PPEF1: variants seen among roughly 807,000 people sequenced by gnomAD.
PPEF1 encodes protein phosphatase with EF-hand domain 1, also known as serine/threonine-protein phosphatase with EF-hands 1.
PPEF1 carries 12 observed loss-of-function variants against 53.3 expected under a neutral mutation model. The observed-to-expected ratio is 0.23, with a 90% CI of 0.14 to 0.36. The LOEUF is 0.36. Ranked by LOEUF, PPEF1 falls within the 10% of genes least tolerant of loss-of-function variation. PPEF1 has a pLI of 1.00. For synonymous variants in PPEF1, 165 were observed against 176.7 expected (o/e 0.93, Z 0.52); for missense variants, 334 against 490.4 (o/e 0.68, Z 3.01).
chrX:18,761,405 C>T (rs1031885581), intron 5 of PPEF1, 125 bp from the exon 6 acceptor site: 1 of 576,211 alleles, frequency 1.7e-6, no homozygotes. Context: ...GTCAAATTAA[C>T]ATCGTCATAG....
At chrX:18,821,489 C>G (rs2147756231) in intron 13 of PPEF1, among the ~76,000 whole-genome samples, 2 of 110,848 alleles carry the variant, frequency 1.8e-5, no homozygotes, top group South Asian at 3.8e-4. Flanking sequence ...CTCATTGCAA[C>G]CTCCGCCTAC....
chrX:18,798,001 A>G (rs2046466868), intron 10 of PPEF1, among the ~76,000 whole-genome samples: 2 of 111,000 alleles, frequency 1.8e-5, no homozygotes, highest in South Asian at 7.6e-4. Flanking sequence ...GTCTTAAGTG[A>G]TAAGTTCTAT....
At chrX:18,679,287 A>G (rs1928790511), upstream of PPEF1, among the ~76,000 whole-genome samples, 1 of 111,289 alleles carries the variant, frequency 9.0e-6, no homozygotes, top group Non-Finnish European at 1.9e-5. Context: ...TGTTTTGGCC[A>G]GGCTGTTCTT....
chrX:18,711,943 C>T lies in PPEF1; in HGVS notation c.46+4117C>T, dbSNP rs142724104. 5.0e-3 allele frequency among the ~76,000 whole-genome samples: 559 copies of T among 110,698 alleles called. 7 individuals carry two copies. The highest frequency in any genetic ancestry group is 0.015 in the African/African-American group (445 of 30,450). On this transcript the variant is annotated intron_variant, in intron 1 of 15. Transcript: ENST00000470157. ...CTAATTTTTGTATTTTTGGTAGAGACGGGGTTTCACCATGTTGGCCAGGCT... is the reference window on the plus strand; with the variant it reads ...CTAATTTTTGTATTTTTGGTAGAGATGGGGTTTCACCATGTTGGCCAGGCT...
intron 3 of PPEF1, among the ~76,000 whole-genome samples, chrX:18,746,359 A>G (rs1291230606): frequency 8.9e-6 from 1 of 112,153 alleles, no homozygotes; most frequent in African/African-American, 3.2e-5. Flanking sequence ...GCTAAAAACC[A>G]GCAGAAGGAT....
At chrX:18,695,697 C>T (rs1252373711) in intron 4 of PPEF1, among the ~76,000 whole-genome samples, 2 of 112,520 alleles carry the variant, frequency 1.8e-5, no homozygotes, top group Non-Finnish European at 3.8e-5. Flanking sequence ...CTCAAGCCAT[C>T]GAGGACCAAG....
At chrX:18,750,132 T>C (rs191595551) in intron 4 of PPEF1, among the ~76,000 whole-genome samples, 180 bp downstream of exon 4, 2 of 112,053 alleles carry the variant, frequency 1.8e-5, no homozygotes, top group Admixed American at 9.5e-5. Flanking sequence ...AGCAAGCTCC[T>C]CTCTGTAGGC....
At chrX:18,770,051 A>G (rs1454033111) in intron 6 of PPEF1, among the ~76,000 whole-genome samples, 2 of 111,752 alleles carry the variant, frequency 1.8e-5, no homozygotes, top group African/African-American at 3.2e-5. Context: ...GACTTTCTGT[A>G]TCTGTCAACT....
chrX:18,719,340 C>CTT (rs1181211988), intron 1 of PPEF1, among the ~76,000 whole-genome samples: 15 of 92,198 alleles, frequency 1.6e-4, no homozygotes, highest in Non-Finnish European at 1.5e-4. Context: ...TACAACTCAT[C>CTT]TTTTTTTTTT....
At chrX:18,737,024 T>A (rs2044999588) in intron 3 of PPEF1, among the ~76,000 whole-genome samples, 1 of 111,963 alleles carries the variant, frequency 8.9e-6, no homozygotes, top group Non-Finnish European at 1.9e-5. Context: ...CTCTCTTTTC[T>A]TCTTTATTAG....
At chrX:18,767,540 A>T (rs1463239751) in intron 6 of PPEF1, among the ~76,000 whole-genome samples, 2 of 112,256 alleles carry the variant, frequency 1.8e-5, no homozygotes, top group African/African-American at 6.5e-5. Context: ...GCGAGACTCC[A>T]TCTGAAAAAA....
chrX:18,811,611 ATATATTT>A (rs1205368221), intron 12 of PPEF1, among the ~76,000 whole-genome samples: 148 of 14,765 alleles, frequency 0.01, 1 homozygote, highest in African/African-American at 0.026. Flanking sequence ...ATATATATAT[ATATATTT>A]TTTTTTTTTT....
Position 18,750,747 on chromosome X carries a change from A to T in PPEF1, c.396+795A>T, listed in dbSNP as rs774727995. 6.2e-5 allele frequency among the ~76,000 whole-genome samples: 7 copies of T among 112,330 alleles called. No individual in the cohort carries two copies. The South Asian group carries it at 2.6e-3, about 42-fold the overall frequency. ...ATATTTAAATTTTCCAGTAATTACTAAACTGCTTCCCACAGTAGTGGCACC... is the reference window on the plus strand; with the variant it reads ...ATATTTAAATTTTCCAGTAATTACTTAACTGCTTCCCACAGTAGTGGCACC... On this transcript the variant is annotated intron_variant, in intron 4 of 15. Transcript: ENST00000470157.
chrX:18,725,509 A>C (rs1167748363), intron 1 of PPEF1, among the ~76,000 whole-genome samples: 2 of 111,621 alleles, frequency 1.8e-5, no homozygotes, highest in African/African-American at 6.5e-5. Flanking sequence ...CAGGAACAGG[A>C]AGCAGACAGG....
At chrX:18,759,997 A>G (rs1466786519) in intron 5 of PPEF1, among the ~76,000 whole-genome samples, 3 of 111,547 alleles carry the variant, frequency 2.7e-5, no homozygotes, top group Non-Finnish European at 5.7e-5. Flanking sequence ...TATTATTGCT[A>G]TTTTTTGAGA....
chrX:18,687,833 C>T (rs1015303266), intron 3 of PPEF1, among the ~76,000 whole-genome samples: 101 of 109,915 alleles, frequency 9.2e-4, no homozygotes, highest in Non-Finnish European at 4.9e-4. Context: ...GGACTATAGG[C>T]GCACACCACC....
At chrX:18,742,850 G>GA (rs34211576) in intron 3 of PPEF1, among the ~76,000 whole-genome samples, 106 of 97,257 alleles carry the variant, frequency 1.1e-3, no homozygotes, top group East Asian at 2.6e-3. Flanking sequence ...CTCCATCTCA[G>GA]AAAAAAAAAA....
At chrX:18,764,207 A>C (rs1223686207) in intron 6 of PPEF1, among the ~76,000 whole-genome samples, 1 of 111,194 alleles carries the variant, frequency 9.0e-6, no homozygotes, top group Admixed American at 9.5e-5. Context: ...CCATCGAAAG[A>C]GAGTATTGGC....
At chrX:18,687,980 C>T (rs754154910) in intron 3 of PPEF1, among the ~76,000 whole-genome samples, 23 of 111,534 alleles carry the variant, frequency 2.1e-4, no homozygotes, top group Non-Finnish European at 3.6e-4. Context: ...TGAGCTACAG[C>T]GCCCGGCCTA....
Sources: gnomAD v4.1 joint callset for allele counts (sites outside exome capture counted in the v4.1 genomes callset) on GRCh38, gnomAD v4.1.1 for gene constraint, MANE v1.5 for transcripts, NCBI Gene and HGNC (gene_info 2026-07-23, HGNC 2026-07-21) for gene names.